The following TRAT1 variants were observed in gnomAD, a reference collection of about 807,000 sequenced individuals.
The protein encoded by TRAT1 is T-cell receptor-associated transmembrane adapter 1.
A neutral mutation model predicts 20.0 loss-of-function variants in TRAT1; 20 were observed. That is an observed-to-expected ratio of 1.00 (90% CI 0.70 to 1.45). The LOEUF is 1.45. Among genes scored for constraint, TRAT1 ranks in the 40% most tolerant of loss-of-function variants. The probability of loss-of-function intolerance (pLI) is 0.00; values close to 1 mark genes in which losing one functional copy is unlikely to be tolerated. For synonymous variants in TRAT1, 77 were observed against 74.2 expected (o/e 1.04, Z -0.20); for missense variants, 237 against 224.1 (o/e 1.06, Z -0.37).
At chr3:108,833,855 T>A (rs1945816641) in intron 2 of TRAT1, among the ~76,000 whole-genome samples, 1 of 151,646 alleles carries the variant, frequency 6.6e-6, no homozygotes, top group Non-Finnish European at 1.5e-5. Flanking sequence ...GCTGGGGACT[T>A]AGTAGGTCAG....
At chr3:108,826,409 T>C (rs1219791972) in intron 1 of TRAT1, among the ~76,000 whole-genome samples, 1 of 152,172 alleles carries the variant, frequency 6.6e-6, no homozygotes, top group Non-Finnish European at 1.5e-5. Context: ...CAGATTTGCA[T>C]TAAAAACAGC....
chr3:108,834,739 G>C (rs1017560379), intron 2 of TRAT1, among the ~76,000 whole-genome samples: 1 of 152,180 alleles, frequency 6.6e-6, no homozygotes, highest in African/African-American at 2.4e-5. Context: ...AATAAGTTTT[G>C]CTGGTGTAAT....
rs1473828492 is a variant in TRAT1, at chr3:108,835,891, GTTTGTATTTATTTATT to G, written c.119-3041_119-3026del. Among the ~76,000 whole-genome samples the G allele has an allele frequency of 1.4e-3, 202 of 146,734 alleles. 1 individual carries two copies. Among genetic ancestry groups the G allele is most frequent in the African/African-American group, 4.5e-3 (180 of 40,002 alleles). ...TCCCATTCAATAGAGTTAGTTGTTT[GTTTGTATTTATTTATT>G]TATTTATTTATTTATTTATTTATTT... On this transcript the variant is annotated intron_variant, in intron 2 of 5. Coordinates refer to ENST00000295756, the MANE Select transcript of TRAT1 (RefSeq NM_016388.4).
At chr3:108,853,462 C>G (rs113894797) in intron 5 of TRAT1, among the ~76,000 whole-genome samples, 158 bp from the exon 6 acceptor site, 1 of 152,122 alleles carries the variant, frequency 6.6e-6, no homozygotes, top group Non-Finnish European at 1.5e-5. Context: ...GTTTTCTGTT[C>G]TGTTTTTTGT....
At chr3:108,844,843 C>CAA (rs71103495) in intron 3 of TRAT1, among the ~76,000 whole-genome samples, 2,596 of 47,600 alleles carry the variant, frequency 0.055, 471 homozygotes, top group Non-Finnish European at 0.065. Context: ...GACTCTGTCT[C>CAA]AAAAAAAAAA....
rs1221300177 is a variant in TRAT1 at position 108,853,814 on chromosome 3, C to T, written c.498C>T (p.Asn166=). Residue 166 remains asparagine, a synonymous_variant, in exon 6 of 6, where the codon AAC becomes AAT. Coordinates refer to ENST00000295756, the MANE Select transcript of TRAT1 (RefSeq NM_016388.4). The stretch of plus-strand genomic sequence containing the variant: ...CAGAAAGCCAGGCAGTAGAGGAAAA[C>T]ATTCATGATGATCCCATCAGACTGT... ...FSPESQAVEE[N]IHDDPIRLFG... 3 of 1,613,924 alleles carry T rather than the reference C, an allele frequency of 1.9e-6. No individual in the cohort carries two copies. Among genetic ancestry groups the T allele is most frequent in the Non-Finnish European group, 2.5e-6 (3 of 1,179,920 alleles).
intron 2 of TRAT1, among the ~76,000 whole-genome samples, chr3:108,836,080 C>T (rs979107689): frequency 1.5e-4 from 23 of 152,186 alleles, no homozygotes; most frequent in African/African-American, 5.3e-4. Flanking sequence ...CCACCATGCC[C>T]AGCTAATTTT....
chr3:108,823,266 T>C (rs575414249), intron 1 of TRAT1, among the ~76,000 whole-genome samples: 42 of 152,350 alleles, frequency 2.8e-4, no homozygotes, highest in African/African-American at 1.0e-3. Context: ...TTAGTTTAGC[T>C]ATTAAACAGG....
chr3:108,851,841 A>G (rs896996686), intron 5 of TRAT1, among the ~76,000 whole-genome samples: 2 of 152,170 alleles, frequency 1.3e-5, no homozygotes, highest in African/African-American at 4.8e-5. Flanking sequence ...CTTAGGACTC[A>G]CATTCTTTAA....
chr3:108,838,877 A>G, intron 2 of TRAT1, 57 bp from the exon 3 acceptor site: 1 of 1,350,950 alleles, frequency 7.4e-7, no homozygotes, highest in Non-Finnish European at 1.1e-6. Context: ...ACTTTAGAAT[A>G]TTTAACAAAG....
intron 3 of TRAT1, among the ~76,000 whole-genome samples, chr3:108,839,507 G>A (rs1335597991): frequency 1.3e-5 from 2 of 152,066 alleles, no homozygotes; most frequent in African/African-American, 2.4e-5. Flanking sequence ...TTAGCTGGGC[G>A]TGGTGGCACA....
intron 1 of TRAT1, among the ~76,000 whole-genome samples, chr3:108,827,760 A>C (rs1462015939): frequency 6.6e-6 from 1 of 152,122 alleles, no homozygotes; most frequent in African/African-American, 2.4e-5. Context: ...AAAGGCCTCC[A>C]AGTGGTTATG....
At chr3:108,837,748 T>C (rs1431061776) in intron 2 of TRAT1, among the ~76,000 whole-genome samples, 1 of 152,190 alleles carries the variant, frequency 6.6e-6, no homozygotes, top group Non-Finnish European at 1.5e-5. Flanking sequence ...CATTCAAATA[T>C]AATAAACATT....
chr3:108,828,583 C>T (rs1181236188), intron 1 of TRAT1, among the ~76,000 whole-genome samples: 1 of 151,994 alleles, frequency 6.6e-6, no homozygotes, highest in African/African-American at 2.4e-5. Flanking sequence ...ATTTGAGACA[C>T]CATGTGATGT....
At chr3:108,853,095 A>T (rs1296881905) in intron 5 of TRAT1, among the ~76,000 whole-genome samples, 1 of 152,236 alleles carries the variant, frequency 6.6e-6, no homozygotes, top group African/African-American at 2.4e-5. Context: ...TATTTGCCAG[A>T]TATCTATCAT....
intron 5 of TRAT1, among the ~76,000 whole-genome samples, chr3:108,849,589 T>C (rs778346521): frequency 1.3e-4 from 20 of 152,204 alleles, no homozygotes; most frequent in African/African-American, 2.2e-4. Flanking sequence ...TCACAAGACC[T>C]AAATGTCAGG....
chr3:108,822,933 A>G lies in TRAT1; in HGVS notation c.6A>G (p.Ser2=). ...TTTCTCTGAAAAAAAGAAGCATGTC[A>G]GGTAAGTGGCATTTTAAACTTTTTG... M[S]GISGCPFFLW... is the part of the protein sequence containing the mutation. Residue 2 remains serine, a splice_region_variant and synonymous_variant, in exon 1 of 6, where the codon TCA becomes TCG. Coordinates refer to ENST00000295756, the MANE Select transcript of TRAT1 (RefSeq NM_016388.4). 1 of 1,610,898 alleles carries G rather than the reference A, an allele frequency of 6.2e-7. No homozygotes were observed. The highest frequency in any genetic ancestry group is 2.2e-5 in the East Asian group (1 of 44,700).
intron 3 of TRAT1, among the ~76,000 whole-genome samples, chr3:108,845,622 A>C (rs141512599): frequency 6.6e-6 from 1 of 152,240 alleles, no homozygotes; most frequent in African/African-American, 2.4e-5. Flanking sequence ...TTTTTTTAAT[A>C]CCTACGTACT....
chr3:108,844,831 G>C lies in TRAT1; in HGVS notation c.153-2237G>C, dbSNP rs528085230. Among the ~76,000 whole-genome samples, 208 of 108,242 alleles carry C rather than the reference G, an allele frequency of 1.9e-3. 1 individual carries two copies. The highest frequency in any genetic ancestry group is 2.8e-3 in the Non-Finnish European group (165 of 59,164). 71.0% of individuals were successfully genotyped at this position (108,242 alleles called of 152,430 possible). A position where few individuals can be genotyped will look rare whatever the true frequency, so the allele number is the denominator to read the frequency against. On this transcript the variant is annotated intron_variant, in intron 3 of 5. Coordinates refer to ENST00000295756, the MANE Select transcript of TRAT1 (RefSeq NM_016388.4). ...TGCACTCCAGCCTGGGTGACAGAGA[G>C]AGACTCTGTCTCAAAAAAAAAAAAA...
Sources: allele counts gnomAD v4.1 joint callset (sites outside exome capture counted in the v4.1 genomes callset), GRCh38; gene constraint gnomAD v4.1.1; transcripts MANE v1.5; gene names NCBI Gene and HGNC (gene_info 2026-07-23, HGNC 2026-07-21).